Variants in CNTD1 observed in about 807,000 individuals in gnomAD.
CNTD1 encodes the protein cyclin N-terminal domain-containing protein 1.
A neutral mutation model predicts 36.3 loss-of-function variants in CNTD1; 17 were observed. The ratio of observed to expected loss-of-function variants is 0.47; its 90% CI spans 0.32 to 0.70. The LOEUF (loss-of-function observed/expected upper bound fraction) is 0.70. Among genes scored for constraint, CNTD1 ranks in the 30% least tolerant of loss-of-function variants. The probability of loss-of-function intolerance (pLI) is 0.03; values close to 1 mark genes in which losing one functional copy is unlikely to be tolerated. For missense variants in CNTD1, 338 were observed against 386.1 expected (o/e 0.88, Z 1.04); for synonymous variants, 128 against 153.3 (o/e 0.83, Z 1.22).
In CNTD1 at chr17:42,810,650, G is replaced by T; in HGVS notation, c.*1115G>T. On this transcript the variant is annotated 3_prime_UTR_variant, in exon 7 of 7. Transcript: ENST00000588408. ...GGCTTTTGTGGATTTTTTCTTTTTT[G>T]GTATTGTAAACATGTACTGTTTAAT... 1.8e-5 allele frequency: 21 copies of T among 1,143,304 alleles called. No homozygotes were observed. The highest frequency in any genetic ancestry group is 8.3e-5 in the East Asian group (3 of 36,164). The allele number at this position is 1,143,304 out of a possible 1,614,324, so 70.8% of individuals were successfully genotyped here. A position where few individuals can be genotyped will look rare whatever the true frequency, so the allele number is the denominator to read the frequency against.
chr17:42,802,236 T>A (rs1311130603), intron 1 of CNTD1, among the ~76,000 whole-genome samples: 2 of 151,950 alleles, frequency 1.3e-5, no homozygotes, highest in Admixed American at 6.6e-5. Context: ...TAAAAAAAAA[T>A]TCAACAGTGA....
chr17:42,804,955 C>T (rs947215326), intron 3 of CNTD1, among the ~76,000 whole-genome samples: 1 of 152,130 alleles, frequency 6.6e-6, no homozygotes, highest in Non-Finnish European at 1.5e-5. Context: ...TTCTCCCCCT[C>T]TCACTCACAC....
At position 42,804,395 on chromosome 17, in the gene CNTD1, A is replaced by G. The variant is rs764528802; in HGVS notation, c.416A>G (p.Lys139Arg). Residue 139 changes from lysine (K) to arginine (R), a missense_variant and splice_region_variant, in exon 3 of 7, where the codon AAA becomes AGA. Coordinates refer to ENST00000588408, the MANE Select transcript of CNTD1 (RefSeq NM_173478.3). The part of the protein sequence containing the change: ...QLASKLSFRN[K>R]IISNITVLNF... ...GCCAGCAAACTTTCCTTCCGAAACA[A>G]AGTAAGGAGCTGGGGTTGCTCATGG... is the stretch of plus-strand genomic sequence containing the variant. The G allele has an allele frequency of 1.9e-6, 3 of 1,613,744 alleles. No homozygotes were observed. The highest frequency in any genetic ancestry group is 2.5e-6 in the Non-Finnish European group (3 of 1,179,738).
intron 4 of CNTD1, among the ~76,000 whole-genome samples, chr17:42,806,377 G>C (rs2054879244): frequency 6.6e-6 from 1 of 152,128 alleles, no homozygotes; most frequent in South Asian, 2.1e-4. Flanking sequence ...CTTAGCAACT[G>C]GCTTCTGTTT....
intron 3 of CNTD1, 116 bp from the exon 4 acceptor site, chr17:42,805,606 A>G (rs1036450923): frequency 4.4e-6 from 4 of 906,888 alleles, no homozygotes; most frequent in Non-Finnish European, 6.5e-6. Context: ...GGGAATTACC[A>G]AGAGACAAGA....
In CNTD1 at chr17:42,799,012, G is replaced by C. The variant is rs72826975; in HGVS notation, c.-56G>C. 4 of 1,593,008 alleles carry C rather than the reference G, an allele frequency of 2.5e-6. No individual in the cohort carries two copies. Among genetic ancestry groups the C allele is most frequent in the African/African-American group, 2.7e-5 (2 of 74,152 alleles). On this transcript the variant is annotated 5_prime_UTR_variant, in exon 1 of 7. Transcript: ENST00000588408. Reference sequence around the variant, plus strand: ...GGCAGAAGACTGGAGAGGAGCTAAGGGGGTCGGTATGTGGATCCAGTGAAC... The same window carrying C: ...GGCAGAAGACTGGAGAGGAGCTAAGCGGGTCGGTATGTGGATCCAGTGAAC...
chr17:42,799,921 G>A (rs917589478), intron 1 of CNTD1, among the ~76,000 whole-genome samples: 5 of 151,404 alleles, frequency 3.3e-5, no homozygotes, highest in East Asian at 1.9e-4. Flanking sequence ...AAAAAAAGCC[G>A]GGTGTGGTGG....
intron 1 of CNTD1, among the ~76,000 whole-genome samples, chr17:42,801,547 A>ATATATATAT (rs1397593024): frequency 1.8e-5 from 1 of 55,916 alleles, no homozygotes; most frequent in Admixed American, 2.4e-4. Flanking sequence ...ATATATATAT[A>ATATATATAT]ATATATGTGT....
In CNTD1 at chr17:42,810,419, G is replaced by C. The variant is rs990311213; in HGVS notation, c.*884G>C. ...TTCATATTGTTAAGTGCAGGAAGTT[G>C]AGAGAGATAAAAATCCAGTGAAAAC... On this transcript the variant is annotated 3_prime_UTR_variant, in exon 7 of 7. Coordinates refer to ENST00000588408, the MANE Select transcript of CNTD1 (RefSeq NM_173478.3). The C allele has an allele frequency of 6.0e-6, 1 of 167,364 alleles. No homozygotes were observed. The highest frequency in any genetic ancestry group is 2.4e-5 in the African/African-American group (1 of 41,902). 10.4% of individuals were successfully genotyped at this position (167,364 alleles called of 1,614,324 possible). A position where few individuals can be genotyped will look rare whatever the true frequency, so the allele number is the denominator to read the frequency against.
intron 3 of CNTD1, 70 bp from the exon 4 acceptor site, chr17:42,805,652 T>G: frequency 7.4e-7 from 1 of 1,357,044 alleles, no homozygotes; most frequent in Non-Finnish European, 1.0e-6. Flanking sequence ...TATGAAGGGC[T>G]TTGTGCACTC....
chr17:42,798,808 G>A, upstream of CNTD1: 1 of 1,451,290 alleles, frequency 6.9e-7, no homozygotes, highest in Non-Finnish European at 9.0e-7. Context: ...GCGGTTCCCG[G>A]GCACAGGGGA....
rs1490163695 is a variant in CNTD1 at position 42,809,353 on chromosome 17, C to T, written c.823-12C>T. On this transcript the variant is annotated splice_polypyrimidine_tract_variant and intron_variant, in intron 6 of 6. Coordinates refer to ENST00000588408, the MANE Select transcript of CNTD1 (RefSeq NM_173478.3). Reference sequence around the variant, plus strand: ...TTTTTTAGTAATAAGAAATCTGTCTCTATTTCTGAAGGTTGTGGGGCATTT... The same window carrying T: ...TTTTTTAGTAATAAGAAATCTGTCTTTATTTCTGAAGGTTGTGGGGCATTT... The T allele has an allele frequency of 3.8e-6, 6 of 1,596,852 alleles. No homozygotes were observed. The highest frequency in any genetic ancestry group is 5.1e-6 in the Non-Finnish European group (6 of 1,168,466).
intron 1 of CNTD1, among the ~76,000 whole-genome samples, chr17:42,801,657 T>C (rs1597913059): frequency 6.6e-6 from 1 of 150,618 alleles, no homozygotes; most frequent in East Asian, 1.9e-4. Flanking sequence ...TCTTGTAGAC[T>C]ATTCAAAGAG....
intron 1 of CNTD1, among the ~76,000 whole-genome samples, chr17:42,800,790 C>T (rs1260833876): frequency 1.3e-5 from 2 of 151,996 alleles, no homozygotes; most frequent in Non-Finnish European, 2.9e-5. Context: ...GAGGCAAAGT[C>T]TAGGGTTCTG....
rs1321323761 is a variant in CNTD1 at position 42,798,916 on chromosome 17, T to G, written c.-152T>G. On this transcript the variant is annotated 5_prime_UTR_variant, in exon 1 of 7. Transcript: ENST00000588408. ...AGCTGTGGAGGGTTCGAGGCTGTGG[T>G]GGTAATTGGGTTTTCCTCAGACTTG... The G allele has an allele frequency of 6.9e-7, 1 of 1,446,460 alleles. No individual in the cohort carries two copies. 89.6% of individuals were successfully genotyped at this position (1,446,460 alleles called of 1,614,324 possible). A position where few individuals can be genotyped will look rare whatever the true frequency, so the allele number is the denominator to read the frequency against.
At chr17:42,800,224 C>A (rs563392332) in intron 1 of CNTD1, among the ~76,000 whole-genome samples, 1 of 151,878 alleles carries the variant, frequency 6.6e-6, no homozygotes, top group East Asian at 1.9e-4. Flanking sequence ...ATAAAACAAG[C>A]GTTTATGGGG....
intron 1 of CNTD1, among the ~76,000 whole-genome samples, chr17:42,801,510 A>AAAATATATATAT (rs1289580717): frequency 1.5e-4 from 8 of 54,340 alleles, no homozygotes; most frequent in Non-Finnish European, 1.8e-4. Context: ...AAAAAAAAAA[A>AAAATATATATAT]ATATATATAT....
rs1360606348 is a variant in CNTD1 at position 42,809,301 on chromosome 17, G to A, written c.823-64G>A. 5.7e-6 allele frequency: 8 copies of A among 1,398,404 alleles called. No individual in the cohort carries two copies. The East Asian group carries it at 1.9e-4, about 32-fold the overall frequency. 86.6% of individuals were successfully genotyped at this position (1,398,404 alleles called of 1,614,324 possible). ...TGAGAGAACATCCCAAGTAATGTGTGTGTTTGTGCACTAAAATGTGTTGAG... is the reference window on the plus strand; with the variant it reads ...TGAGAGAACATCCCAAGTAATGTGTATGTTTGTGCACTAAAATGTGTTGAG... On this transcript the variant is annotated intron_variant, in intron 6 of 6. Coordinates refer to ENST00000588408, the MANE Select transcript of CNTD1 (RefSeq NM_173478.3).
rs1366386133 is a variant in CNTD1 at position 42,799,142 on chromosome 17, T to A, written c.75T>A (p.Ile25=). The part of the protein sequence containing the change: ...FQFGVVATET[I]EDALLHLAQQ... ...TTGGAGTTGTCGCCACAGAGACGAT[T>A]GAAGACGCCCTGCTTCACTTGGCCC... The change falls in exon 1 of 7, where the codon ATT becomes ATA. Residue 25 remains isoleucine, a synonymous_variant. Coordinates refer to ENST00000588408, the MANE Select transcript of CNTD1 (RefSeq NM_173478.3). The A allele has an allele frequency of 1.2e-6, 2 of 1,613,774 alleles. No individual in the cohort carries two copies. Among genetic ancestry groups the A allele is most frequent in the Non-Finnish European group, 1.7e-6 (2 of 1,179,940 alleles).
Sources: gnomAD v4.1 joint callset for allele counts (sites outside exome capture counted in the v4.1 genomes callset) on GRCh38, gnomAD v4.1.1 for gene constraint, MANE v1.5 for transcripts, NCBI Gene and HGNC (gene_info 2026-07-23, HGNC 2026-07-21) for gene names.